PHACTR1: variants seen among roughly 807,000 people sequenced by gnomAD.
PHACTR1 encodes phosphatase and actin regulator 1.
PHACTR1 carries 16 observed loss-of-function variants against 69.2 expected under a neutral mutation model. The observed-to-expected ratio is 0.23, with a 90% CI of 0.16 to 0.35. The LOEUF is 0.35. Among genes scored for constraint, PHACTR1 ranks in the 10% least tolerant of loss-of-function variants. PHACTR1 has a pLI of 1.00. For synonymous variants in PHACTR1, 312 were observed against 284.5 expected (o/e 1.10, Z -0.97); for missense variants, 510 against 734.7 (o/e 0.69, Z 3.54).
chr6:12,832,677 T>G (rs1777712337), intron 4 of PHACTR1, among the ~76,000 whole-genome samples: 1 of 152,118 alleles, frequency 6.6e-6, no homozygotes, highest in Non-Finnish European at 1.5e-5. Context: ...TGCTCAAGAT[T>G]TCACTTACCC....
intron 11 of PHACTR1, among the ~76,000 whole-genome samples, chr6:13,276,721 G>A (rs1279239225): frequency 1.3e-5 from 2 of 151,918 alleles, no homozygotes; most frequent in East Asian, 1.9e-4. Context: ...GCAGTGAGCC[G>A]AGATCATGCC....
intron 4 of PHACTR1, among the ~76,000 whole-genome samples, chr6:12,933,189 T>C (rs530910566): frequency 1.3e-5 from 2 of 152,194 alleles, no homozygotes; most frequent in Middle Eastern, 3.4e-3. Context: ...CTTATCCCCC[T>C]GTCTCGCCCT....
At chr6:12,922,926 G>C (rs962450052) in intron 4 of PHACTR1, among the ~76,000 whole-genome samples, 1 of 152,120 alleles carries the variant, frequency 6.6e-6, no homozygotes, top group Admixed American at 6.5e-5. Flanking sequence ...CTAGAACTCT[G>C]CATCAGACCC....
At position 13,017,355 on chromosome 6, in the gene PHACTR1, T is replaced by A. The variant is rs370379049; in HGVS notation, c.251-36010T>A. 6.6e-5 allele frequency among the ~76,000 whole-genome samples: 10 copies of A among 152,248 alleles called. 1 individual carries two copies. Among genetic ancestry groups the A allele is most frequent in the African/African-American group, 2.4e-4 (10 of 41,530 alleles). The stretch of plus-strand genomic sequence containing the variant: ...TATCTGTGTGTGTGTGTGTGATGTA[T>A]ACATGTGCAGTCTCAATAAGCTCGG... On this transcript the variant is annotated intron_variant, in intron 4 of 14. Transcript: ENST00000332995.
intron 4 of PHACTR1, among the ~76,000 whole-genome samples, chr6:12,868,227 AG>A (rs1160022884): frequency 1.3e-5 from 2 of 149,866 alleles, no homozygotes; most frequent in Non-Finnish European, 3.0e-5. Flanking sequence ...ACTGCACTCC[AG>A]CCTGGCAACA....
At chr6:12,764,458 T>C (rs1343629563) in intron 4 of PHACTR1, among the ~76,000 whole-genome samples, 2 of 152,234 alleles carry the variant, frequency 1.3e-5, no homozygotes, top group African/African-American at 4.8e-5. Context: ...GTGGTTTTTC[T>C]TGGTGACTTA....
chr6:13,020,109 G>A (rs1242706313), intron 4 of PHACTR1, among the ~76,000 whole-genome samples: 1 of 152,184 alleles, frequency 6.6e-6, no homozygotes, highest in Non-Finnish European at 1.5e-5. Context: ...CCCACAGGCT[G>A]TAAGGGAGAA....
intron 3 of PHACTR1, among the ~76,000 whole-genome samples, chr6:12,721,123 C>T (rs979321829): frequency 6.6e-6 from 1 of 152,178 alleles, no homozygotes; most frequent in Admixed American, 6.5e-5. Context: ...CAGTGGCTCA[C>T]GCCTGTAATC....
At chr6:13,237,531 C>T (rs936152768) in intron 10 of PHACTR1, among the ~76,000 whole-genome samples, 3 of 152,182 alleles carry the variant, frequency 2.0e-5, no homozygotes, top group Admixed American at 6.5e-5. Context: ...TGTGCATGCA[C>T]TGCACATGCC....
intron 5 of PHACTR1, among the ~76,000 whole-genome samples, chr6:13,135,378 G>T (rs1561881722): frequency 2.0e-5 from 3 of 152,164 alleles, no homozygotes; most frequent in African/African-American, 7.2e-5. Context: ...CTGCGGAGTC[G>T]CTGTTAGACA....
chr6:12,907,980 G>A (rs1284534829), intron 4 of PHACTR1, among the ~76,000 whole-genome samples: 4 of 152,200 alleles, frequency 2.6e-5, no homozygotes, highest in Non-Finnish European at 5.9e-5. Flanking sequence ...CAACCTGTGT[G>A]TCCATCTATG....
At chr6:13,148,116 G>C (rs147059099) in intron 5 of PHACTR1, among the ~76,000 whole-genome samples, 76 of 96,286 alleles carry the variant, frequency 7.9e-4, no homozygotes, top group African/African-American at 2.2e-3. Flanking sequence ...TAGTATATGT[G>C]TTCTTTTGCC....
intron 3 of PHACTR1, among the ~76,000 whole-genome samples, chr6:12,732,039 C>CCCCACA (rs1763599177): frequency 6.6e-6 from 1 of 150,420 alleles, no homozygotes; most frequent in African/African-American, 2.5e-5. Flanking sequence ...GACCCTTATA[C>CCCCACA]TGAGTTGCAG....
chr6:12,723,585 G>T (rs949578883), intron 3 of PHACTR1, among the ~76,000 whole-genome samples: 1 of 148,340 alleles, frequency 6.7e-6, no homozygotes, highest in African/African-American at 2.5e-5. Context: ...AGCCTCAAAC[G>T]CCTGGGCTCA....
chr6:13,097,048 G>A (rs1049816267), intron 5 of PHACTR1, among the ~76,000 whole-genome samples: 2 of 152,174 alleles, frequency 1.3e-5, no homozygotes, highest in African/African-American at 2.4e-5. Flanking sequence ...ACATTAATAA[G>A]GTGGAGGATA....
Position 13,203,501 on chromosome 6 carries a change from A to G in PHACTR1, c.665-2314A>G, listed in dbSNP as rs536766453. Reference sequence around the variant, plus strand: ...AAGCATGATAGAAGTCTTGATTATCATGACTGTCGTCATTCCTGCTATCAT... The same window carrying G: ...AAGCATGATAGAAGTCTTGATTATCGTGACTGTCGTCATTCCTGCTATCAT... On this transcript the variant is annotated intron_variant, in intron 7 of 14. Transcript: ENST00000332995. Among the ~76,000 whole-genome samples the G allele has an allele frequency of 5.3e-4, 80 of 152,380 alleles. No individual in the cohort carries two copies. In the South Asian group the frequency reaches 0.015, roughly 29 times the overall value.
chr6:12,934,831 C>T (rs1287532582), intron 4 of PHACTR1, among the ~76,000 whole-genome samples: 1 of 150,598 alleles, frequency 6.6e-6, no homozygotes, highest in Non-Finnish European at 1.5e-5. Context: ...ATGAGATCCT[C>T]TCTCAAAAAA....
At chr6:12,759,360 A>G (rs1198271034) in intron 4 of PHACTR1, among the ~76,000 whole-genome samples, 1 of 151,622 alleles carries the variant, frequency 6.6e-6, no homozygotes, top group Admixed American at 6.6e-5. Flanking sequence ...TACCTAAATG[A>G]CTTTACAACC....
chr6:13,237,918 A>G (rs1190345810), intron 10 of PHACTR1, among the ~76,000 whole-genome samples: 1 of 152,254 alleles, frequency 6.6e-6, no homozygotes, highest in Non-Finnish European at 1.5e-5. Context: ...ATACAGTATT[A>G]TAATATTTTG....
Sources: gnomAD v4.1 joint callset for allele counts (sites outside exome capture counted in the v4.1 genomes callset) on GRCh38, gnomAD v4.1.1 for gene constraint, MANE v1.5 for transcripts, NCBI Gene and HGNC (gene_info 2026-07-23, HGNC 2026-07-21) for gene names.